Variants in ADGRL2 observed in about 807,000 individuals in gnomAD.
ADGRL2 encodes the protein calcium-independent alpha-latrotoxin receptor 2.
A neutral mutation model predicts 157.4 loss-of-function variants in ADGRL2; 44 were observed. The observed-to-expected ratio is 0.28, with a 90% confidence interval of 0.22 to 0.36. The LOEUF (loss-of-function observed/expected upper bound fraction) is 0.36, where lower values mean the gene tolerates loss of function less well. Ranked by LOEUF, ADGRL2 falls within the 10% of genes least tolerant of loss-of-function variation. The pLI is 1.00. For synonymous variants in ADGRL2, 585 were observed against 624.7 expected, an observed-to-expected ratio of 0.94 and a Z score of 0.95; for missense variants, 1,510 against 1,768.9, an observed-to-expected ratio of 0.85 and a Z score of 2.63.
At chr1:81,409,025 T>C (rs1484422142) in intron 1 of ADGRL2, among the ~76,000 whole-genome samples, 1 of 152,216 alleles carries the variant, frequency 6.6e-6, no homozygotes, top group Non-Finnish European at 1.5e-5. Context: ...TTTTCTTCAG[T>C]GTGAAAAATG....
chr1:81,373,250 G>T (rs2076191313), intron 1 of ADGRL2, among the ~76,000 whole-genome samples: 1 of 152,144 alleles, frequency 6.6e-6, no homozygotes, highest in African/African-American at 2.4e-5. Context: ...CTAAGATGGA[G>T]ATAATTAATA....
chr1:81,929,245 A>G (rs768230911), intron 3 of ADGRL2, among the ~76,000 whole-genome samples: 9 of 152,300 alleles, frequency 5.9e-5, no homozygotes, highest in East Asian at 3.9e-4. Context: ...AGAAGCTTCA[A>G]TTGAAAATGG....
At chr1:81,451,794 C>T (rs991016639) in intron 2 of ADGRL2, among the ~76,000 whole-genome samples, 2 of 151,974 alleles carry the variant, frequency 1.3e-5, no homozygotes, top group Non-Finnish European at 2.9e-5. Flanking sequence ...TTCCATCATG[C>T]GTTAATTTTT....
intron 1 of ADGRL2, among the ~76,000 whole-genome samples, chr1:81,306,683 A>G (rs748709253): frequency 1.3e-5 from 2 of 152,150 alleles, no homozygotes; most frequent in Non-Finnish European, 2.9e-5. Flanking sequence ...AGTGCTGGGT[A>G]TTATAATGTT....
At chr1:81,726,563 T>C (rs2084536779) in intron 1 of ADGRL2, among the ~76,000 whole-genome samples, 1 of 152,202 alleles carries the variant, frequency 6.6e-6, no homozygotes, top group African/African-American at 2.4e-5. Context: ...TCAAACCTAC[T>C]TATATTACAT....
At chr1:81,700,949 A>G (rs1230141233) in intron 1 of ADGRL2, among the ~76,000 whole-genome samples, 1 of 152,244 alleles carries the variant, frequency 6.6e-6, no homozygotes, top group African/African-American at 2.4e-5. Flanking sequence ...GTATAATTAC[A>G]CAGCATGAGA....
At chr1:81,458,092 A>G (rs1479960614) in intron 2 of ADGRL2, among the ~76,000 whole-genome samples, 1 of 152,232 alleles carries the variant, frequency 6.6e-6, no homozygotes, top group Admixed American at 6.5e-5. Context: ...ATTGAGAATC[A>G]GGGAAATTAA....
Position 81,991,037 on chromosome 1 carries a change from G to C in ADGRL2, c.4302G>C (p.Gln1434His). Residue 1434 changes from glutamine to histidine, a missense_variant, in exon 24 of 24, where the codon CAG becomes CAC. This residue lies in a region of ADGRL2 where 327 missense variants were observed against 310.1 expected (regional missense o/e 1.05). Transcript: ENST00000686636. Reference protein sequence around the residue: ...GAGHQLQMCYQISRGNSDGYI... With the variant: ...GAGHQLQMCYHISRGNSDGYI... ...GCCATCAGCTTCAGATGTGCTACCA[G>C]ATCAGCAGGGGCAATAGTGATGGTT... 1.9e-6 allele frequency: 3 copies of C among 1,613,964 alleles called. No individual in the cohort carries two copies. Among genetic ancestry groups the C allele is most frequent in the Non-Finnish European group, 2.5e-6 (3 of 1,179,984 alleles).
At chr1:81,715,028 T>C (rs916130412) in intron 1 of ADGRL2, among the ~76,000 whole-genome samples, 9 of 152,028 alleles carry the variant, frequency 5.9e-5, no homozygotes, top group Non-Finnish European at 1.2e-4. Flanking sequence ...TTTTTTCTGC[T>C]CTAATTTTTT....
In ADGRL2 at chr1:81,993,861, T is replaced by C. The variant is rs2149571955; in HGVS notation, c.*2716T>C. 6.6e-6 allele frequency among the ~76,000 whole-genome samples: 1 copy of C among 152,134 alleles called. No individual in the cohort carries two copies. The highest frequency in any genetic ancestry group is 2.1e-4 in the South Asian group (1 of 4,820). ...ACTTATAAAGTCACATTTTTAAAGTTCTTCCTAGAGACATTCACTCTGTCT... is the reference window on the plus strand; with the variant it reads ...ACTTATAAAGTCACATTTTTAAAGTCCTTCCTAGAGACATTCACTCTGTCT... On this transcript the variant is annotated 3_prime_UTR_variant, in exon 24 of 24. Transcript: ENST00000686636.
intron 1 of ADGRL2, among the ~76,000 whole-genome samples, chr1:81,320,408 G>A (rs1227635782): frequency 6.6e-6 from 1 of 152,110 alleles, no homozygotes; most frequent in Non-Finnish European, 1.5e-5. Flanking sequence ...GTGAATCCTT[G>A]CCAAAAGGTT....
rs528370948 is a variant in ADGRL2 at position 81,400,869 on chromosome 1, G to A, written c.-301-44167G>A. ...AGTTATTTGGCCTTTAGGGTGTGAT[G>A]TCTTAGCTCAGCCAGGGCTCTGTTT... On this transcript the variant is annotated intron_variant, in intron 1 of 24. Transcript: ENST00000370721. Among the ~76,000 whole-genome samples, 12 of 152,264 alleles carry A rather than the reference G, an allele frequency of 7.9e-5. No individual in the cohort carries two copies. The East Asian group carries it at 2.3e-3, about 30-fold the overall frequency.
chr1:81,520,437 A>G (rs1172684187), intron 2 of ADGRL2, among the ~76,000 whole-genome samples: 5 of 152,012 alleles, frequency 3.3e-5, no homozygotes, highest in Non-Finnish European at 4.4e-5. Flanking sequence ...AGTCTCTGAT[A>G]TGGTTTGGCT....
intron 1 of ADGRL2, among the ~76,000 whole-genome samples, chr1:81,365,969 C>T (rs1448865356): frequency 6.6e-6 from 1 of 152,092 alleles, no homozygotes; most frequent in Non-Finnish European, 1.5e-5. Context: ...GGGCGTGACT[C>T]CTCATAGGTT....
intron 3 of ADGRL2, among the ~76,000 whole-genome samples, chr1:81,626,450 C>T (rs1381614875): frequency 6.6e-6 from 1 of 152,162 alleles, no homozygotes; most frequent in African/African-American, 2.4e-5. Flanking sequence ...GGATTACAGG[C>T]GCAAGCCACC....
rs1571148880 is a variant in ADGRL2 at position 81,769,801 on chromosome 1, A to G, written c.-101+7949A>G. Among the ~76,000 whole-genome samples, 4 of 152,178 alleles carry G rather than the reference A, an allele frequency of 2.6e-5. No individual in the cohort carries two copies. The South Asian group carries it at 8.3e-4, about 32-fold the overall frequency. On this transcript the variant is annotated intron_variant, in intron 2 of 20. Transcript: ENST00000359929. ...TTCTTACCACTTTTAGTGTTTCAATACAAGCATATGGTCAACTCTTCCATT... is the reference window on the plus strand; with the variant it reads ...TTCTTACCACTTTTAGTGTTTCAATGCAAGCATATGGTCAACTCTTCCATT...
chr1:81,966,466 G>A lies in ADGRL2; in HGVS notation c.2206G>A (p.Ala736Thr). The A allele has an allele frequency of 6.2e-7, 1 of 1,614,078 alleles. No individual in the cohort carries two copies. Among genetic ancestry groups the A allele is most frequent in the South Asian group, 1.1e-5 (1 of 91,086 alleles). ...GGGACAGTTCCTTAGTACAGAAAAT[G>A]CAACCATTAAACTGGGTGCTGATTT... is the stretch of plus-strand genomic sequence containing the variant. ...SLGQFLSTEN[A>T]TIKLGADFIG... is the part of the protein sequence containing the mutation. The change falls in exon 13 of 24, where the codon GCA (alanine) becomes ACA (threonine). Residue 736 changes from alanine to threonine, a missense_variant. Coordinates refer to ENST00000686636, the MANE Select transcript of ADGRL2 (RefSeq NM_001366006.2).
chr1:81,901,307 A>T (rs2094481939), intron 2 of ADGRL2, among the ~76,000 whole-genome samples: 1 of 151,912 alleles, frequency 6.6e-6, no homozygotes. Flanking sequence ...GACAACAAAT[A>T]CGTAGTCAGA....
chr1:81,473,010 A>G (rs1305178490), intron 2 of ADGRL2, among the ~76,000 whole-genome samples: 1 of 152,094 alleles, frequency 6.6e-6, no homozygotes, highest in Non-Finnish European at 1.5e-5. Context: ...AATTTTCTCC[A>G]CAATTAGGAC....
Sources: allele counts gnomAD v4.1 joint callset (sites outside exome capture counted in the v4.1 genomes callset), GRCh38; gene constraint gnomAD v4.1.1; regional missense constraint gnomAD v4.1.1; transcripts MANE v1.5; gene names NCBI Gene and HGNC (gene_info 2026-07-23, HGNC 2026-07-21).